The following DOCK2 variants were observed in gnomAD, a reference collection of about 807,000 sequenced individuals.
The protein encoded by DOCK2 is dedicator of cytokinesis protein 2.
In DOCK2, 87 loss-of-function variants were observed where a neutral mutation model predicts 248.9. That is an observed-to-expected ratio of 0.35 (90% CI 0.29 to 0.42). The LOEUF is 0.42. Ranked by LOEUF, DOCK2 falls within the 10% of genes least tolerant of loss-of-function variation. The probability of loss-of-function intolerance (pLI) is 1.00; values close to 1 mark genes in which losing one functional copy is unlikely to be tolerated. For synonymous variants in DOCK2, 805 were observed against 821.6 expected (o/e 0.98, Z 0.35); for missense variants, 1,747 against 2,300.2 (o/e 0.76, Z 4.92).
chr5:169,762,379 T>C (rs920276512), intron 25 of DOCK2, among the ~76,000 whole-genome samples: 1 of 152,178 alleles, frequency 6.6e-6, no homozygotes, highest in South Asian at 2.1e-4. Flanking sequence ...TTTTGGGAGA[T>C]CATGGAATGA....
chr5:170,050,913 G>A (rs1179513371), intron 41 of DOCK2, among the ~76,000 whole-genome samples: 3 of 152,200 alleles, frequency 2.0e-5, no homozygotes, highest in Non-Finnish European at 2.9e-5. Context: ...GCAAGGGACT[G>A]GAGATTTTCA....
At chr5:169,646,002 G>C (rs1757436841) in intron 1 of DOCK2, among the ~76,000 whole-genome samples, 1 of 152,112 alleles carries the variant, frequency 6.6e-6, no homozygotes, top group Non-Finnish European at 1.5e-5. Flanking sequence ...GCCCATCTCA[G>C]CCTCCCAAAG....
chr5:169,888,908 G>A (rs1773127755), intron 27 of DOCK2, among the ~76,000 whole-genome samples: 1 of 152,158 alleles, frequency 6.6e-6, no homozygotes, highest in South Asian at 2.1e-4. Context: ...AATGTACAAA[G>A]ATGGCATTCC....
chr5:169,879,137 G>A (rs1002835592), intron 27 of DOCK2, among the ~76,000 whole-genome samples: 31 of 152,140 alleles, frequency 2.0e-4, no homozygotes, highest in Non-Finnish European at 8.8e-5. Context: ...CGTATGCATG[G>A]CTAATTTAGC....
chr5:169,646,513 A>G (rs962561766), intron 1 of DOCK2, among the ~76,000 whole-genome samples: 1 of 152,188 alleles, frequency 6.6e-6, no homozygotes, highest in South Asian at 2.1e-4. Flanking sequence ...AGGTAACTGC[A>G]TGTCATCTTC....
rs1756759545 is a variant in DOCK2, at chr5:170,047,586, A to G, written c.4043A>G (p.Tyr1348Cys). The part of the protein sequence containing the change: ...PKPDYFAVGY[Y>C]GQGFPSFLRN... ...CCAGACTACTTTGCTGTTGGATACT[A>G]CGGCCAGGGATTCCCCTCCTTCCTG... The change falls in exon 40 of 52, where the codon TAC (tyrosine) becomes TGC (cysteine). Residue 1348 changes from tyrosine (Y) to cysteine (C), a missense_variant. By Grantham distance (194) the Tyr-to-Cys change is radical. Coordinates refer to ENST00000520908, the MANE Select transcript of DOCK2 (RefSeq NM_004946.3). 6.2e-7 allele frequency: 1 copy of G among 1,613,860 alleles called. No individual in the cohort carries two copies.
At chr5:169,795,467 T>C (rs983986604) in intron 25 of DOCK2, among the ~76,000 whole-genome samples, 3 of 152,046 alleles carry the variant, frequency 2.0e-5, no homozygotes, top group African/African-American at 7.3e-5. Context: ...TAATGAGGCA[T>C]GTTTCTGGGG....
intron 33 of DOCK2, among the ~76,000 whole-genome samples, chr5:170,020,138 C>T (rs1209694013): frequency 1.3e-5 from 2 of 152,176 alleles, no homozygotes; most frequent in Admixed American, 6.5e-5. Context: ...AAGAATGTCT[C>T]AGCCATCCTC....
In DOCK2 at chr5:169,922,063, C is replaced by A. The variant is rs979826534; in HGVS notation, c.2800-61005C>A. On this transcript the variant is annotated intron_variant, in intron 27 of 51. Coordinates refer to ENST00000520908, the MANE Select transcript of DOCK2 (RefSeq NM_004946.3). ...ATGACTCAAATACCTTCTTTCTATT[C>A]TGCTCATTTCCTTTTCTTTTTAGCC... Among the ~76,000 whole-genome samples, 4 of 152,164 alleles carry A rather than the reference C, an allele frequency of 2.6e-5. 1 individual carries two copies. In the South Asian group the frequency reaches 8.3e-4, roughly 31 times the overall value.
At chr5:169,926,502 C>A (rs1332672242) in intron 27 of DOCK2, among the ~76,000 whole-genome samples, 1 of 152,154 alleles carries the variant, frequency 6.6e-6, no homozygotes, top group African/African-American at 2.4e-5. Flanking sequence ...TCAAAGAAAG[C>A]TTTGTGAACA....
intron 2 of DOCK2, among the ~76,000 whole-genome samples, chr5:169,663,206 A>G (rs527866567): frequency 2.0e-5 from 3 of 152,312 alleles, no homozygotes; most frequent in South Asian, 4.1e-4. Flanking sequence ...TCTCACATCT[A>G]TGCAAGGCCA....
chr5:169,863,304 T>C (rs1771320594), intron 27 of DOCK2, among the ~76,000 whole-genome samples: 1 of 152,238 alleles, frequency 6.6e-6, no homozygotes, highest in African/African-American at 2.4e-5. Context: ...TTTGAACCTA[T>C]CTACACGGCT....
intron 23 of DOCK2, among the ~76,000 whole-genome samples, chr5:169,757,049 A>T (rs1366939235): frequency 6.6e-6 from 1 of 152,112 alleles, no homozygotes; most frequent in Non-Finnish European, 1.5e-5. Flanking sequence ...TGCAGCCTGC[A>T]TTTGTGTTTG....
At chr5:169,890,216 G>A (rs1219481367) in intron 27 of DOCK2, among the ~76,000 whole-genome samples, 1 of 152,170 alleles carries the variant, frequency 6.6e-6, no homozygotes, top group South Asian at 2.1e-4. Context: ...TTATGTGTTA[G>A]TCCTGTTTCC....
chr5:169,657,476 A>G (rs1758188181), intron 2 of DOCK2, among the ~76,000 whole-genome samples: 2 of 152,250 alleles, frequency 1.3e-5, no homozygotes, highest in African/African-American at 4.8e-5. Context: ...ATATTGGATT[A>G]AAAATCTGTG....
Position 170,041,136 on chromosome 5 carries a change from G to C in DOCK2, c.3747G>C (p.Trp1249Cys). The C allele has an allele frequency of 3.7e-6, 6 of 1,613,934 alleles. No homozygotes were observed. The highest frequency in any genetic ancestry group is 5.1e-6 in the Non-Finnish European group (6 of 1,179,876). ...CCTACACGCTCCTTCTCCACACCTG[G>C]CTTCTCAAGGTACAGTCACTTTGGG... is the stretch of plus-strand genomic sequence containing the variant. ...EAAYTLLLHT[W>C]LLKWSDEQCA... Residue 1249 changes from tryptophan (W) to cysteine (C), a missense_variant, in exon 37 of 52, where the codon TGG (tryptophan) becomes TGC (cysteine). Physicochemically the swap from Trp to Cys is radical, Grantham distance 215. Transcript: ENST00000520908.
At chr5:169,942,276 G>T (rs1382057718) in intron 27 of DOCK2, among the ~76,000 whole-genome samples, 1 of 152,160 alleles carries the variant, frequency 6.6e-6, no homozygotes, top group East Asian at 1.9e-4. Flanking sequence ...TTCTCTCTCT[G>T]CAATGACTTC....
At chr5:169,776,752 G>A (rs899905326) in intron 25 of DOCK2, among the ~76,000 whole-genome samples, 10 of 152,252 alleles carry the variant, frequency 6.6e-5, no homozygotes, top group Admixed American at 2.0e-4. Context: ...TTTATAAGAG[G>A]CTTCCCCCTT....
intron 22 of DOCK2, among the ~76,000 whole-genome samples, chr5:169,738,215 G>A (rs1437281459): frequency 2.0e-5 from 3 of 152,160 alleles, no homozygotes; most frequent in African/African-American, 7.2e-5. Context: ...TTTCCACTTA[G>A]GAATTTTTAA....
Sources: gnomAD v4.1 joint callset for allele counts (sites outside exome capture counted in the v4.1 genomes callset) on GRCh38, gnomAD v4.1.1 for gene constraint, MANE v1.5 for transcripts, NCBI Gene and HGNC (gene_info 2026-07-23, HGNC 2026-07-21) for gene names.